UBE2G1: variants seen among roughly 807,000 people sequenced by gnomAD.
UBE2G1 encodes the protein ubiquitin-conjugating enzyme E2 G1.
In UBE2G1, 5 loss-of-function variants were observed where a neutral mutation model predicts 22.7. The observed-to-expected ratio is 0.22, with a 90% CI of 0.12 to 0.46. The LOEUF (loss-of-function observed/expected upper bound fraction) is 0.46. Ranked by LOEUF, UBE2G1 falls within the 20% of genes least tolerant of loss-of-function variation. UBE2G1 has a pLI of 0.99. For synonymous variants in UBE2G1, 74 were observed against 67.5 expected (o/e 1.10, Z -0.47); for missense variants, 88 against 203.9 (o/e 0.43, Z 3.46).
chr17:4,275,202 A>G (rs1968807665), intron 5 of UBE2G1, among the ~76,000 whole-genome samples: 1 of 152,234 alleles, frequency 6.6e-6, no homozygotes, highest in African/African-American at 2.4e-5. Context: ...AAGAAAATCT[A>G]TCCCTCTTCC....
At chr17:4,325,097 C>CAA (rs147404143) in intron 1 of UBE2G1, among the ~76,000 whole-genome samples, 1 of 147,466 alleles carries the variant, frequency 6.8e-6, no homozygotes, top group African/African-American at 2.5e-5. Flanking sequence ...ACCAAACAAA[C>CAA]AAAAAAAACA....
chr17:4,278,150 T>C lies in UBE2G1; in HGVS notation c.*37+4648A>G, dbSNP rs1056267847. Among the ~76,000 whole-genome samples the C allele has an allele frequency of 9.2e-5, 14 of 152,274 alleles. No individual in the cohort carries two copies. The East Asian group carries it at 2.7e-3, about 29-fold the overall frequency. On this transcript the variant is annotated intron_variant, in intron 5 of 5. Coordinates refer to ENST00000396981, the MANE Select transcript of UBE2G1 (RefSeq NM_003342.5). ...CCTGACCTCAAGTGATCCACCCATCTTGGCCTCCCAAAGTGCTGGGCTTAC... is the reference window on the plus strand; with the variant it reads ...CCTGACCTCAAGTGATCCACCCATCCTGGCCTCCCAAAGTGCTGGGCTTAC...
In UBE2G1 at chr17:4,296,779, G is replaced by C; in HGVS notation, c.185C>G (p.Pro62Arg). Residue 62 changes from proline to arginine, a missense_variant, in exon 3 of 6, where the codon CCA (proline) becomes CGA (arginine). Pro to Arg is a moderately radical substitution (Grantham distance 103, BLOSUM62 -2). Transcript: ENST00000396981. ...AGGAGGTCGGAGGGGATAATCTTTT[G>C]GGAAAGTAAGATGAGCCTTAAAAAC... ...GGVFKAHLTF[P>R]KDYPLRPPKM... 1 of 1,613,878 alleles carries C rather than the reference G, an allele frequency of 6.2e-7. No individual in the cohort carries two copies. Among genetic ancestry groups the C allele is most frequent in the Non-Finnish European group, 8.5e-7 (1 of 1,179,882 alleles).
rs140219940 is a variant in UBE2G1, at chr17:4,361,714, G to C, written c.46+4557C>G. Among the ~76,000 whole-genome samples the C allele has an allele frequency of 6.3e-3, 954 of 150,650 alleles. 5 individuals carry two copies. Among genetic ancestry groups the C allele is most frequent in the Non-Finnish European group, 8.1e-3 (549 of 67,502 alleles). On this transcript the variant is annotated intron_variant, in intron 1 of 5. Coordinates refer to ENST00000396981, the MANE Select transcript of UBE2G1 (RefSeq NM_003342.5). ...AGCACTTTCGTAAGCTGAGGCGGGT[G>C]AATCACCTGAGATCAGGAGTTCAAG...
chr17:4,348,262 GAAAA>G (rs1271288589), intron 1 of UBE2G1, among the ~76,000 whole-genome samples: 1 of 151,820 alleles, frequency 6.6e-6, no homozygotes, highest in Non-Finnish European at 1.5e-5. Context: ...TGTCTGTAAA[GAAAA>G]AAATAGGCCG....
chr17:4,271,249 T>A lies in UBE2G1; in HGVS notation c.*1305A>T. ...AATAGCAAAGCATTTACCCCTGTAA[T>A]GCTTTTAGATTCACAGAAGAATCTA... is the stretch of plus-strand genomic sequence containing the variant. On this transcript the variant is annotated 3_prime_UTR_variant, in exon 6 of 6. Transcript: ENST00000396981. The A allele has an allele frequency of 6.6e-6, 1 of 152,664 alleles. No individual in the cohort carries two copies. Among genetic ancestry groups the A allele is most frequent in the Non-Finnish European group, 1.5e-5 (1 of 68,050 alleles). 9.5% of individuals were successfully genotyped at this position (152,664 alleles called of 1,614,324 possible).
intron 2 of UBE2G1, among the ~76,000 whole-genome samples, chr17:4,306,437 C>T (rs1364682706): frequency 1.3e-5 from 2 of 152,002 alleles, no homozygotes; most frequent in African/African-American, 4.8e-5. Flanking sequence ...GATCCACCCA[C>T]CTCAGCCTCC....
At chr17:4,274,351 C>A (rs1198335041) in intron 5 of UBE2G1, among the ~76,000 whole-genome samples, 1 of 152,128 alleles carries the variant, frequency 6.6e-6, no homozygotes, top group African/African-American at 2.4e-5. Context: ...GCGCCTGCCA[C>A]CATGCCCGGC....
intron 4 of UBE2G1, among the ~76,000 whole-genome samples, chr17:4,285,515 TTACTC>T (rs1339057410): frequency 6.6e-6 from 1 of 152,050 alleles, no homozygotes; most frequent in Non-Finnish European, 1.5e-5. Flanking sequence ...CCCTAAAACA[TTACTC>T]TAGGATGAAG....
chr17:4,293,579 C>A (rs978490634), intron 3 of UBE2G1, among the ~76,000 whole-genome samples: 1 of 152,164 alleles, frequency 6.6e-6, no homozygotes, highest in Non-Finnish European at 1.5e-5. Context: ...TATGCTTAAC[C>A]TTTTGAGGAC....
chr17:4,363,369 T>G (rs1969990493), intron 1 of UBE2G1, among the ~76,000 whole-genome samples: 2 of 152,082 alleles, frequency 1.3e-5, no homozygotes, highest in Non-Finnish European at 2.9e-5. Context: ...CCTGAAAAAA[T>G]ACAAATTAAA....
At chr17:4,275,023 G>GT in intron 5 of UBE2G1, among the ~76,000 whole-genome samples, 1 of 149,794 alleles carries the variant, frequency 6.7e-6, no homozygotes, top group East Asian at 2.0e-4. Flanking sequence ...GTGAGACCTT[G>GT]TCTCAAAAAA....
At chr17:4,351,840 T>C (rs887061256) in intron 1 of UBE2G1, among the ~76,000 whole-genome samples, 3 of 152,230 alleles carry the variant, frequency 2.0e-5, no homozygotes, top group African/African-American at 4.8e-5. Context: ...AATTTAGTTT[T>C]AGAATCCTAA....
chr17:4,293,787 T>TA (rs1969071491), intron 3 of UBE2G1, among the ~76,000 whole-genome samples: 1 of 152,234 alleles, frequency 6.6e-6, no homozygotes, highest in Non-Finnish European at 1.5e-5. Flanking sequence ...CCTAAACTCT[T>TA]ACTTCTCCTT....
intron 1 of UBE2G1, among the ~76,000 whole-genome samples, chr17:4,360,446 A>T (rs181506505): frequency 2.6e-4 from 40 of 152,326 alleles, no homozygotes; most frequent in African/African-American, 9.6e-4. Flanking sequence ...TTGACAGTGC[A>T]ATCAAACATT....
chr17:4,281,120 A>G (rs1968884341), intron 5 of UBE2G1, among the ~76,000 whole-genome samples: 1 of 152,186 alleles, frequency 6.6e-6, no homozygotes, highest in Non-Finnish European at 1.5e-5. Context: ...CACCCTCTAT[A>G]ACAGAAAAAG....
rs200271235 is a variant in UBE2G1, at chr17:4,284,834, C to CT, written c.427-1914dup. Among the ~76,000 whole-genome samples, 26 of 83,484 alleles carry CT rather than the reference C, an allele frequency of 3.1e-4. 1 individual carries two copies. Among genetic ancestry groups the CT allele is most frequent in the African/African-American group, 5.2e-4 (12 of 22,874 alleles). The allele number at this position is 83,484 out of a possible 152,430, so 54.8% of individuals were successfully genotyped here. ...TTTTCTTTTTCTTTTCTTTTCTTTT[C>CT]TTTCTTTTTTTTTTTTTTTTTTTTT... On this transcript the variant is annotated intron_variant, in intron 4 of 5. Coordinates refer to ENST00000396981, the MANE Select transcript of UBE2G1 (RefSeq NM_003342.5).
intron 1 of UBE2G1, among the ~76,000 whole-genome samples, chr17:4,321,355 G>A (rs189877150): frequency 8.6e-6 from 1 of 116,004 alleles, no homozygotes; most frequent in Non-Finnish European, 2.2e-5. Context: ...TTTTACTGCT[G>A]GCTAACACTG....
At chr17:4,309,011 C>T (rs567611507) in intron 1 of UBE2G1, among the ~76,000 whole-genome samples, 13 of 152,280 alleles carry the variant, frequency 8.5e-5, no homozygotes, top group African/African-American at 2.4e-4. Flanking sequence ...GTAATCTCAA[C>T]GCTTTCAGGA....
Sources: gnomAD v4.1 joint callset for allele counts (sites outside exome capture counted in the v4.1 genomes callset) on GRCh38, gnomAD v4.1.1 for gene constraint, MANE v1.5 for transcripts, NCBI Gene and HGNC (gene_info 2026-07-23, HGNC 2026-07-21) for gene names.